Variants in MTUS2 observed in about 807,000 individuals in gnomAD.
MTUS2 encodes the protein microtubule associated scaffold protein 2.
In MTUS2, 40 loss-of-function variants were observed where a neutral mutation model predicts 114.1. The observed-to-expected ratio is 0.35, with a 90% confidence interval of 0.27 to 0.46. The LOEUF (loss-of-function observed/expected upper bound fraction) is 0.46, where lower values mean the gene tolerates loss of function less well. Ranked by LOEUF, MTUS2 falls within the 20% of genes least tolerant of loss-of-function variation. MTUS2 has a pLI of 1.00. For synonymous variants in MTUS2, 688 were observed against 672.0 expected (o/e 1.02, Z -0.37); for missense variants, 1,679 against 1,705.4 (o/e 0.98, Z 0.27).
chr13:29,240,530 T>C (rs553360557), intron 5 of MTUS2, among the ~76,000 whole-genome samples: 2 of 152,346 alleles, frequency 1.3e-5, no homozygotes, highest in African/African-American at 4.8e-5. Flanking sequence ...GCTATTTCAA[T>C]TGCCTTCACC....
intron 2 of MTUS2, among the ~76,000 whole-genome samples, chr13:28,949,483 C>T (rs1037129841): frequency 2.0e-5 from 3 of 152,208 alleles, no homozygotes; most frequent in Non-Finnish European, 2.9e-5. Flanking sequence ...ATACACCTAA[C>T]ATTTACCATC....
Position 29,471,814 on chromosome 13 carries a change from A to C in MTUS2, c.3185-8336A>C, listed in dbSNP as rs79635015. The stretch of plus-strand genomic sequence containing the variant: ...GCCCCTGCCTGCTCTTTGCAAATGG[A>C]TTAGGCTACTTACGGGACCCCTAGT... On this transcript the variant is annotated intron_variant, in intron 9 of 15. Coordinates refer to ENST00000612955, the MANE Select transcript of MTUS2 (RefSeq NM_001033602.4). Among the ~76,000 whole-genome samples the C allele has an allele frequency of 6.6e-5, 10 of 150,598 alleles. No homozygotes were observed. The East Asian group carries it at 2.0e-3, about 30-fold the overall frequency.
chr13:29,451,890 A>AT (rs1344903969), intron 9 of MTUS2, among the ~76,000 whole-genome samples: 1 of 152,120 alleles, frequency 6.6e-6, no homozygotes, highest in African/African-American at 2.4e-5. Context: ...TGCCCAGACT[A>AT]CTGTCAGAAA....
At chr13:29,114,228 T>C (rs1468332932) in intron 5 of MTUS2, among the ~76,000 whole-genome samples, 1 of 152,124 alleles carries the variant, frequency 6.6e-6, no homozygotes, top group Non-Finnish European at 1.5e-5. Context: ...CTAATACAGT[T>C]GGTGACATAG....
intron 2 of MTUS2, among the ~76,000 whole-genome samples, chr13:28,964,952 C>T (rs1157011280): frequency 6.6e-6 from 1 of 151,872 alleles, no homozygotes; most frequent in Non-Finnish European, 1.5e-5. Flanking sequence ...TGATGGGGCT[C>T]CCATTTTAGA....
chr13:29,023,420 T>C (rs947197822), intron 2 of MTUS2, among the ~76,000 whole-genome samples: 23 of 152,224 alleles, frequency 1.5e-4, no homozygotes, highest in African/African-American at 5.5e-4. Context: ...AATGGTTGAC[T>C]TTTGCCAGTT....
intron 2 of MTUS2, among the ~76,000 whole-genome samples, chr13:28,853,152 T>G (rs1392521355): frequency 1.3e-5 from 2 of 152,112 alleles, no homozygotes; most frequent in African/African-American, 4.8e-5. Flanking sequence ...TCTCGAAAAG[T>G]GGGAAAGGGA....
At position 29,423,711 on chromosome 13, in the gene MTUS2, T is replaced by C. The variant is rs1001483065; in HGVS notation, c.3118-16272T>C. ...TTTCCACAGTCTTTATTCAGGAAAT[T>C]GGCATGTAAAAGATGATTAGGCATT... On this transcript the variant is annotated intron_variant, in intron 8 of 15. Coordinates refer to ENST00000612955, the MANE Select transcript of MTUS2 (RefSeq NM_001033602.4). Among the ~76,000 whole-genome samples, 13 of 152,214 alleles carry C rather than the reference T, an allele frequency of 8.5e-5. 1 individual carries two copies. Among genetic ancestry groups the C allele is most frequent in the Admixed American group, 7.2e-4 (11 of 15,284 alleles).
At chr13:28,998,537 G>A (rs147258933) in intron 2 of MTUS2, among the ~76,000 whole-genome samples, 1,576 of 152,250 alleles carry the variant, frequency 0.01, 25 homozygotes, top group African/African-American at 0.036. Context: ...CCAGTCAGAC[G>A]CAGATTTGGT....
chr13:29,080,075 ATAT>A (rs1889374478), intron 4 of MTUS2, among the ~76,000 whole-genome samples: 1 of 152,268 alleles, frequency 6.6e-6, no homozygotes, highest in South Asian at 2.1e-4. Flanking sequence ...TATTTCAACA[ATAT>A]TATATAGTTT....
intron 4 of MTUS2, among the ~76,000 whole-genome samples, chr13:29,075,807 G>C (rs1889167884): frequency 6.6e-6 from 1 of 152,116 alleles, no homozygotes; most frequent in African/African-American, 2.4e-5. Flanking sequence ...CAGGATCATT[G>C]CCTAGAAGTC....
chr13:29,187,438 T>G (rs1269975033), intron 5 of MTUS2, among the ~76,000 whole-genome samples: 1 of 152,064 alleles, frequency 6.6e-6, no homozygotes, highest in Non-Finnish European at 1.5e-5. Flanking sequence ...CTTAGAGATA[T>G]AAGAAGGGTT....
chr13:29,246,996 A>G (rs900433381), intron 5 of MTUS2, among the ~76,000 whole-genome samples: 4 of 152,194 alleles, frequency 2.6e-5, no homozygotes, highest in African/African-American at 7.2e-5. Context: ...GAGGCATCAC[A>G]GTACCTGACT....
chr13:28,950,788 T>C (rs1167954885), intron 2 of MTUS2, among the ~76,000 whole-genome samples: 1 of 152,148 alleles, frequency 6.6e-6, no homozygotes, highest in Admixed American at 6.5e-5. Flanking sequence ...ATATTAATAA[T>C]GAAAAAGTTT....
At chr13:28,897,382 T>C (rs1014748434) in intron 2 of MTUS2, among the ~76,000 whole-genome samples, 1 of 152,136 alleles carries the variant, frequency 6.6e-6, no homozygotes, top group African/African-American at 2.4e-5. Context: ...TGGCAGTCAT[T>C]AAAAAGTCAG....
rs545223537 is a variant in MTUS2, at chr13:29,212,405, G to A, written c.2645-69299G>A. 6.6e-4 allele frequency among the ~76,000 whole-genome samples: 100 copies of A among 152,226 alleles called. 1 individual carries two copies. In the South Asian group the frequency reaches 0.019, roughly 29 times the overall value. ...ACACCAAGCAATTCTCCACTTCTCT[G>A]TGGACACCACCCGAGTGTCCTACAA... On this transcript the variant is annotated intron_variant, in intron 5 of 15. Transcript: ENST00000612955.
intron 7 of MTUS2, among the ~76,000 whole-genome samples, chr13:29,342,849 C>G (rs1901467335): frequency 6.6e-6 from 1 of 151,926 alleles, no homozygotes; most frequent in South Asian, 2.1e-4. Context: ...GCTGATTTTG[C>G]TGAGGGTTTT....
At chr13:28,871,281 G>A (rs897691495) in intron 2 of MTUS2, among the ~76,000 whole-genome samples, 2 of 152,190 alleles carry the variant, frequency 1.3e-5, no homozygotes, top group African/African-American at 4.8e-5. Flanking sequence ...CAGCTGGAGT[G>A]AAATTTTTAT....
At chr13:29,410,369 C>T (rs560756247) in intron 8 of MTUS2, among the ~76,000 whole-genome samples, 10 of 152,136 alleles carry the variant, frequency 6.6e-5, no homozygotes, top group African/African-American at 1.4e-4. Flanking sequence ...TCAGGTGATC[C>T]GCCCGCCTCG....
Sources: gnomAD v4.1 joint callset for allele counts (sites outside exome capture counted in the v4.1 genomes callset) on GRCh38, gnomAD v4.1.1 for gene constraint, MANE v1.5 for transcripts, NCBI Gene and HGNC (gene_info 2026-07-23, HGNC 2026-07-21) for gene names.